Variants in GRTP1 observed in about 807,000 individuals in gnomAD.
GRTP1 encodes the protein growth hormone regulated TBC protein 1.
Under a neutral mutation model 38.1 loss-of-function variants are expected in GRTP1, and 56 were observed. The ratio of observed to expected loss-of-function variants is 1.47; its 90% confidence interval spans 1.19 to 1.84. The LOEUF is 1.84. Ranked by LOEUF, GRTP1 falls within the 40% of genes most tolerant of loss-of-function variation. GRTP1 has a pLI of 0.00. For synonymous variants in GRTP1, 217 were observed against 189.5 expected, an observed-to-expected ratio of 1.14 and a Z score of -1.19; for missense variants, 506 against 453.9, an observed-to-expected ratio of 1.11 and a Z score of -1.04.
At chr13:113,337,631 G>A (rs1320073193) in intron 5 of GRTP1, among the ~76,000 whole-genome samples, 8 of 152,260 alleles carry the variant, frequency 5.3e-5, no homozygotes, top group South Asian at 4.1e-4. Context: ...TGCAAGGCCT[G>A]AGGCCCACAG....
intron 5 of GRTP1, among the ~76,000 whole-genome samples, chr13:113,341,551 G>A (rs1457469893): frequency 1.3e-5 from 2 of 152,104 alleles, no homozygotes; most frequent in African/African-American, 4.8e-5. Context: ...ACAGGCGTGA[G>A]CCACCGTGCC....
At chr13:113,329,460 C>T (rs2042825134) in intron 5 of GRTP1, among the ~76,000 whole-genome samples, 3 of 152,158 alleles carry the variant, frequency 2.0e-5, no homozygotes, top group Admixed American at 1.3e-4. Flanking sequence ...CACCTGTAAT[C>T]CCAGCTACTC....
chr13:113,350,768 G>A, intron 4 of GRTP1, 81 bp downstream of exon 4: 1 of 1,293,920 alleles, frequency 7.7e-7, no homozygotes, highest in East Asian at 2.6e-5. Context: ...AGAGACGTGA[G>A]GCCGTCACTG....
At chr13:113,331,783 G>A (rs2042874759) in intron 5 of GRTP1, among the ~76,000 whole-genome samples, 1 of 149,524 alleles carries the variant, frequency 6.7e-6, no homozygotes, top group Non-Finnish European at 1.5e-5. Context: ...AGCCTCCTGA[G>A]TAGCTGGGAT....
intron 5 of GRTP1, among the ~76,000 whole-genome samples, chr13:113,332,065 T>A (rs946707448): frequency 1.3e-5 from 2 of 151,736 alleles, no homozygotes; most frequent in Admixed American, 1.3e-4. Context: ...GCCCAGGAGT[T>A]CCAGACCAGC....
intron 2 of GRTP1, 29 bp downstream of exon 2, chr13:113,363,733 C>G (rs757685606): frequency 2.5e-6 from 4 of 1,592,402 alleles, no homozygotes; most frequent in African/African-American, 1.3e-5. Context: ...CCTGCGCCCT[C>G]GGGACCCACC....
rs1184493301 is a variant in GRTP1 at position 113,346,066 on chromosome 13, CTCTGCGGCTGAGCAGACCTGGGAAGACA to C, written c.466-1135_466-1108del. 1.8e-3 allele frequency among the ~76,000 whole-genome samples: 157 copies of C among 86,112 alleles called. 4 individuals are homozygous for C. The highest frequency in any genetic ancestry group is 5.4e-3 in the African/African-American group (106 of 19,686). The allele number at this position is 86,112 out of a possible 152,430, so 56.5% of individuals were successfully genotyped here. On this transcript the variant is annotated intron_variant, in intron 4 of 7. Transcript: ENST00000375431. ...TGGCCGAGAGCAGACCCGGGAGGAC[CTCTGCGGCTGAGCAGACCTGGGAAGACA>C]TCTGTGGCCGAGAACAGACCCGGGA...
At chr13:113,341,817 T>C (rs771441479) in intron 5 of GRTP1, among the ~76,000 whole-genome samples, 13 of 152,158 alleles carry the variant, frequency 8.5e-5, no homozygotes, top group Admixed American at 2.0e-4. Flanking sequence ...CACTTTTGTT[T>C]AAATTTTTAT....
rs544130939 is a variant in GRTP1, at chr13:113,349,507, C to A, written c.465+1342G>T. Among the ~76,000 whole-genome samples, 1 of 152,216 alleles carries A rather than the reference C, an allele frequency of 6.6e-6. No homozygotes were observed. The highest frequency in any genetic ancestry group is 2.1e-4 in the South Asian group (1 of 4,836). ...ATTCTACCTCAACTCCAGAAGGCCACGTTCTTGCTCCTGGACAGTCATAAA... is the reference window on the plus strand; with the variant it reads ...ATTCTACCTCAACTCCAGAAGGCCAAGTTCTTGCTCCTGGACAGTCATAAA... On this transcript the variant is annotated intron_variant, in intron 4 of 7. Transcript: ENST00000375431. This position sits in a 1 kb window ranked among gnomAD's most constrained non-coding sequence, Gnocchi z 5.0.
Position 113,350,835 on chromosome 13 carries a change from G to A in GRTP1, c.465+14C>T, listed in dbSNP as rs1360170440. ...CACAGCCACCTCATGGCGTCAGAGG[G>A]TCCCGAGGCTCACCTGGCAGTAGCC... is the stretch of plus-strand genomic sequence containing the variant. On this transcript the variant is annotated intron_variant, in intron 4 of 7. Transcript: ENST00000375431. 3.2e-6 allele frequency: 5 copies of A among 1,556,240 alleles called. No individual in the cohort carries two copies. The highest frequency in any genetic ancestry group is 2.4e-5 in the South Asian group (2 of 83,408).
At chr13:113,350,428 T>G (rs2043240067) in intron 4 of GRTP1, among the ~76,000 whole-genome samples, 1 of 122,526 alleles carries the variant, frequency 8.2e-6, no homozygotes. Context: ...AGCACACACA[T>G]CCCACAGCGC....
Position 113,325,719 on chromosome 13 carries a change from T to G in GRTP1, c.863A>C (p.Asp288Ala), listed in dbSNP as rs375273020. 1 of 1,614,078 alleles carries G rather than the reference T, an allele frequency of 6.2e-7. No homozygotes were observed. Among genetic ancestry groups the G allele is most frequent in the Non-Finnish European group, 8.5e-7 (1 of 1,180,024 alleles). The change falls in exon 7 of 8, where the codon GAT becomes GCT. Residue 288 changes from aspartate to alanine, a missense_variant. Physicochemically the swap from Asp to Ala is moderately radical, Grantham distance 126 (BLOSUM62 -2). Transcript: ENST00000375431. ...LEATSVPDICDKFKQITKGSF... is the reference protein window; with the variant it reads ...LEATSVPDICAKFKQITKGSF... Reference sequence around the variant, plus strand: ...CCCTTTGGTTATCTGCTTAAACTTATCGCAAATGTCTGGAACGCTGGTGGC... The same window carrying G: ...CCCTTTGGTTATCTGCTTAAACTTAGCGCAAATGTCTGGAACGCTGGTGGC...
At chr13:113,337,264 C>T (rs6577038) in intron 5 of GRTP1, among the ~76,000 whole-genome samples, 147,848 of 152,290 alleles carry the variant, frequency 0.97, 71,922 homozygotes, top group East Asian at 1. Flanking sequence ...CACTGTACTC[C>T]AGCCTGGCAA....
chr13:113,330,078 TGCG>T (rs2042836408), intron 5 of GRTP1, among the ~76,000 whole-genome samples: 1 of 145,582 alleles, frequency 6.9e-6, no homozygotes, highest in Non-Finnish European at 1.5e-5. Flanking sequence ...GAAACCCGGG[TGCG>T]TGCATGGAAA....
At position 113,342,543 on chromosome 13, in the gene GRTP1, T is replaced by C. The variant is rs984039731; in HGVS notation, c.562+2320A>G. Among the ~76,000 whole-genome samples, 78 of 151,946 alleles carry C rather than the reference T, an allele frequency of 5.1e-4. No individual in the cohort carries two copies. The highest frequency in any genetic ancestry group is 1.7e-3 in the African/African-American group (71 of 41,378). ...TACTGTATTTTTTGAACTTCTGAAA[T>C]GAGAATATATCTGTGTATTTCTTGT... On this transcript the variant is annotated intron_variant, in intron 5 of 7. Transcript: ENST00000375431. This position sits in a 1 kb window ranked among gnomAD's most constrained non-coding sequence, Gnocchi z 4.5.
chr13:113,343,035 G>A lies in GRTP1; in HGVS notation c.562+1828C>T, dbSNP rs2043047468. ...GCCCTCCACAAAGACAGGAACTCGT[G>A]TGTGCTCACCGATGTTTCCCACACC... On this transcript the variant is annotated intron_variant, in intron 5 of 7. Transcript: ENST00000375431. The surrounding 1 kb of genome is among the most constrained non-coding windows in gnomAD (Gnocchi z 4.8). 1.3e-5 allele frequency among the ~76,000 whole-genome samples: 2 copies of A among 152,020 alleles called. No individual in the cohort carries two copies. The highest frequency in any genetic ancestry group is 2.9e-5 in the Non-Finnish European group (2 of 67,998).
chr13:113,353,914 G>C (rs2043331827), intron 3 of GRTP1, among the ~76,000 whole-genome samples: 1 of 152,018 alleles, frequency 6.6e-6, no homozygotes, highest in African/African-American at 2.4e-5. Context: ...TAAAAAATGA[G>C]CCAGGTGTGG....
rs1240079023 is a variant in GRTP1, at chr13:113,346,075, T to TGA, written c.466-1118_466-1117dup. ...GCAGACCCGGGAGGACCTCTGCGGCTGAGCAGACCTGGGAAGACATCTGTG... is the reference window on the plus strand; with the variant it reads ...GCAGACCCGGGAGGACCTCTGCGGCTGAGAGCAGACCTGGGAAGACATCTGTG... On this transcript the variant is annotated intron_variant, in intron 4 of 7. Coordinates refer to ENST00000375431, the MANE Select transcript of GRTP1 (RefSeq NM_024719.4). Among the ~76,000 whole-genome samples the TGA allele has an allele frequency of 3.2e-3, 17 of 5,356 alleles. 1 individual carries two copies. The highest frequency in any genetic ancestry group is 0.015 in the East Asian group (2 of 134). 3.5% of individuals were successfully genotyped at this position (5,356 alleles called of 152,430 possible).
At chr13:113,330,430 G>A (rs1252698376) in intron 5 of GRTP1, among the ~76,000 whole-genome samples, 1 of 113,860 alleles carries the variant, frequency 8.8e-6, no homozygotes, top group Admixed American at 8.7e-5. Flanking sequence ...GTGCATGGGA[G>A]CCCGGGTGTG....
Sources: allele counts gnomAD v4.1 joint callset (sites outside exome capture counted in the v4.1 genomes callset), GRCh38; gene constraint gnomAD v4.1.1; non-coding constraint Gnocchi (gnomAD v3.1); transcripts MANE v1.5; gene names NCBI Gene and HGNC (gene_info 2026-07-23, HGNC 2026-07-21).